The following DPP10 variants were observed in gnomAD, a reference collection of about 807,000 sequenced individuals.
The protein encoded by DPP10 is dipeptidyl peptidase like 10.
DPP10 carries 33 observed loss-of-function variants against 120.9 expected under a neutral mutation model. That is an observed-to-expected ratio of 0.27 (90% CI 0.21 to 0.37). The LOEUF (loss-of-function observed/expected upper bound fraction) is 0.37. DPP10 is among the 10% of genes least tolerant of loss of function. The pLI, the probability that DPP10 is intolerant of heterozygous loss-of-function variation, is 1.00. For synonymous variants in DPP10, 337 were observed against 326.1 expected (o/e 1.03, Z -0.36); for missense variants, 816 against 942.8 (o/e 0.87, Z 1.76).
chr2:114,860,360 G>A (rs917035015), intron 1 of DPP10, among the ~76,000 whole-genome samples: 4 of 152,132 alleles, frequency 2.6e-5, no homozygotes, highest in Non-Finnish European at 4.4e-5. Flanking sequence ...CGAAGACTCC[G>A]TAACATAAAC....
At chr2:115,458,740 G>GAA (rs982485326) in intron 3 of DPP10, among the ~76,000 whole-genome samples, 1 of 152,050 alleles carries the variant, frequency 6.6e-6, no homozygotes, top group African/African-American at 2.4e-5. Flanking sequence ...GGACTAGAAA[G>GAA]AAAAATGACT....
At chr2:115,029,460 T>C (rs1221641235) in intron 1 of DPP10, among the ~76,000 whole-genome samples, 1 of 151,850 alleles carries the variant, frequency 6.6e-6, no homozygotes, top group African/African-American at 2.4e-5. Context: ...ATTAGCGTTT[T>C]TTTTTTTCTT....
At chr2:114,452,753 C>A (rs536952907) in intron 1 of DPP10, among the ~76,000 whole-genome samples, 194 of 152,228 alleles carry the variant, frequency 1.3e-3, no homozygotes, top group African/African-American at 4.5e-3. Flanking sequence ...TAGTAGAACA[C>A]CTCCAGGGTC....
At position 114,524,350 on chromosome 2, in the gene DPP10, G is replaced by A. The variant is rs565339986; in HGVS notation, c.60+81512G>A. 3.3e-5 allele frequency among the ~76,000 whole-genome samples: 5 copies of A among 152,270 alleles called. No homozygotes were observed. In the South Asian group the frequency reaches 8.3e-4, roughly 25 times the overall value. ...TTATTAAAGCAACCTCCCAGATAAC[G>A]CAGGATCCCATATCCCTGACAGAAG... On this transcript the variant is annotated intron_variant, in intron 1 of 25. Transcript: ENST00000410059.
At chr2:115,194,154 C>G (rs995959818) in intron 1 of DPP10, among the ~76,000 whole-genome samples, 1 of 151,976 alleles carries the variant, frequency 6.6e-6, no homozygotes, top group Non-Finnish European at 1.5e-5. Context: ...CTACTTTCTT[C>G]TGTTAGCAAA....
intron 1 of DPP10, among the ~76,000 whole-genome samples, chr2:114,922,771 C>T (rs1049273377): frequency 7.9e-5 from 12 of 151,986 alleles, no homozygotes; most frequent in South Asian, 2.1e-4. Context: ...GGATTTATCA[C>T]GTTTTGTTGA....
intron 5 of DPP10, among the ~76,000 whole-genome samples, chr2:115,601,839 A>T (rs1317145216): frequency 1.1e-3 from 153 of 139,950 alleles, no homozygotes; most frequent in African/African-American, 3.9e-3. Context: ...ATGCCTGGCT[A>T]TTTTTTTTTT....
chr2:114,531,387 G>A (rs1685967392), intron 1 of DPP10, among the ~76,000 whole-genome samples: 1 of 151,774 alleles, frequency 6.6e-6, no homozygotes, highest in Admixed American at 6.6e-5. Flanking sequence ...GATGATGATA[G>A]AGAAGTATTT....
chr2:114,537,333 C>A (rs1224684749), intron 1 of DPP10, among the ~76,000 whole-genome samples: 2 of 151,848 alleles, frequency 1.3e-5, no homozygotes. Context: ...AGATAAAAAG[C>A]AGTTAGGATC....
chr2:115,311,275 A>G (rs911170542), intron 2 of DPP10, among the ~76,000 whole-genome samples: 8 of 152,148 alleles, frequency 5.3e-5, no homozygotes, highest in Non-Finnish European at 1.0e-4. Flanking sequence ...TTGCAGTGTT[A>G]TTATGGAGGT....
chr2:115,147,875 TAG>T (rs919847707), intron 1 of DPP10, among the ~76,000 whole-genome samples: 98 of 152,276 alleles, frequency 6.4e-4, no homozygotes, highest in Admixed American at 4.1e-3. Context: ...TGTACAAATT[TAG>T]AGACTTTAGC....
At chr2:115,648,114 C>G (rs1052484206) in intron 5 of DPP10, among the ~76,000 whole-genome samples, 1 of 151,898 alleles carries the variant, frequency 6.6e-6, no homozygotes, top group Non-Finnish European at 1.5e-5. Flanking sequence ...ACTTAAGGTA[C>G]CAGAAGAATT....
intron 1 of DPP10, among the ~76,000 whole-genome samples, chr2:115,215,806 G>C (rs1033045296): frequency 1.3e-5 from 2 of 152,050 alleles, no homozygotes; most frequent in African/African-American, 4.8e-5. Context: ...CTATTACTGG[G>C]TATCTACCCC....
intron 1 of DPP10, among the ~76,000 whole-genome samples, chr2:115,120,194 C>G (rs1252227827): frequency 2.6e-5 from 4 of 152,156 alleles, no homozygotes; most frequent in Non-Finnish European, 5.9e-5. Context: ...GGCTACAGGC[C>G]AAGGAGGCTT....
intron 1 of DPP10, among the ~76,000 whole-genome samples, chr2:114,674,196 T>C (rs892815088): frequency 1.3e-5 from 2 of 152,054 alleles, no homozygotes; most frequent in African/African-American, 4.8e-5. Context: ...GTTTTTGTTA[T>C]AATACATGTT....
chr2:115,064,229 T>C (rs1706657451), intron 1 of DPP10, among the ~76,000 whole-genome samples: 1 of 152,136 alleles, frequency 6.6e-6, no homozygotes, highest in South Asian at 2.1e-4. Context: ...CAAACATACT[T>C]AGTATTTCTT....
At chr2:115,714,768 G>A (rs529090869) in intron 7 of DPP10, among the ~76,000 whole-genome samples, 1 of 152,314 alleles carries the variant, frequency 6.6e-6, no homozygotes, top group Admixed American at 6.5e-5. Flanking sequence ...CGTGGCTCAA[G>A]CCTATAATCC....
At chr2:114,582,007 T>G (rs1395353107) in intron 1 of DPP10, among the ~76,000 whole-genome samples, 7 of 152,200 alleles carry the variant, frequency 4.6e-5, no homozygotes, top group Admixed American at 3.9e-4. Context: ...TCACTCTTGG[T>G]ATTGTACATT....
At chr2:114,941,551 A>C (rs776127173) in intron 1 of DPP10, among the ~76,000 whole-genome samples, 9 of 152,230 alleles carry the variant, frequency 5.9e-5, no homozygotes, top group Non-Finnish European at 1.3e-4. Context: ...ATATTATTTA[A>C]AATATCTGGA....
Sources: gnomAD v4.1 joint callset for allele counts (sites outside exome capture counted in the v4.1 genomes callset) on GRCh38, gnomAD v4.1.1 for gene constraint, MANE v1.5 for transcripts, NCBI Gene and HGNC (gene_info 2026-07-23, HGNC 2026-07-21) for gene names.